Variants in TENM1 observed in about 807,000 individuals in gnomAD.
TENM1 encodes the protein teneurin transmembrane protein 1.
A neutral mutation model predicts 174.8 loss-of-function variants in TENM1; 35 were observed. The ratio of observed to expected loss-of-function variants is 0.20; its 90% CI spans 0.15 to 0.27. The LOEUF is 0.27. TENM1 is among the 10% of genes least tolerant of loss of function. The pLI is 1.00. For synonymous variants in TENM1, 781 were observed against 798.7 expected (o/e 0.98, Z 0.37); for missense variants, 1,633 against 2,130.1 (o/e 0.77, Z 4.59).
chrX:124,882,717 C>A (rs766769227), intron 3 of TENM1, among the ~76,000 whole-genome samples: 1 of 112,114 alleles, frequency 8.9e-6, no homozygotes, highest in East Asian at 2.8e-4. Context: ...ATTAGGATTG[C>A]TTTGGCTACT....
the TENM1 span, among the ~76,000 whole-genome samples, chrX:125,011,867 A>C: frequency 0.016 from 1,775 of 111,750 alleles, 40 homozygotes; most frequent in African/African-American, 0.053. Flanking sequence ...AAATTATTCT[A>C]CTACAAAGAC....
the TENM1 span, among the ~76,000 whole-genome samples, chrX:125,098,093 C>T: frequency 9.0e-6 from 1 of 111,165 alleles, no homozygotes; most frequent in Non-Finnish European, 1.9e-5. Flanking sequence ...GAAACCCTGT[C>T]TCTACTAAAA....
At chrX:124,793,555 G>A (rs183831976) in intron 3 of TENM1, among the ~76,000 whole-genome samples, 1 of 111,510 alleles carries the variant, frequency 9.0e-6, no homozygotes, top group Admixed American at 9.6e-5. Flanking sequence ...ATAGTGTAAT[G>A]GTTAAGACCA....
At chrX:124,864,320 T>C (rs887110391) in intron 3 of TENM1, among the ~76,000 whole-genome samples, 8 of 111,816 alleles carry the variant, frequency 7.2e-5, no homozygotes, top group African/African-American at 2.6e-4. Context: ...CCAAAATAGC[T>C]GTGTTGAGGA....
chrX:124,969,994 T>C, the TENM1 span, among the ~76,000 whole-genome samples: 1 of 111,952 alleles, frequency 8.9e-6, no homozygotes, highest in Non-Finnish European at 1.9e-5. Flanking sequence ...CCTTCTCCTC[T>C]TCCCTTTCTT....
chrX:124,568,408 G>C (rs956118122), intron 11 of TENM1, among the ~76,000 whole-genome samples: 1 of 111,649 alleles, frequency 9.0e-6, no homozygotes, highest in African/African-American at 3.3e-5. Context: ...TGACAAAGAA[G>C]TACTGACTAT....
chrX:124,997,656 T>G, the TENM1 span, among the ~76,000 whole-genome samples: 3 of 111,275 alleles, frequency 2.7e-5, no homozygotes, highest in Non-Finnish European at 5.7e-5. Context: ...TTAGGTCAAG[T>G]GAACGATAAG....
intron 11 of TENM1, among the ~76,000 whole-genome samples, chrX:124,577,895 G>T (rs2843501): frequency 0.23 from 25,195 of 109,052 alleles, 2,283 homozygotes; most frequent in South Asian, 0.39. Flanking sequence ...TTTTAATCTC[G>T]ACTCATGAAT....
chrX:124,409,309 C>T (rs1188263184), intron 25 of TENM1, among the ~76,000 whole-genome samples: 2 of 111,232 alleles, frequency 1.8e-5, no homozygotes, highest in African/African-American at 6.6e-5. Context: ...GTTCCTATTT[C>T]TCCAAATTCA....
intron 18 of TENM1, among the ~76,000 whole-genome samples, chrX:124,514,646 A>C (rs1935876205): frequency 9.0e-6 from 1 of 111,175 alleles, no homozygotes; most frequent in Admixed American, 9.6e-5. Flanking sequence ...GGTTCCCTGA[A>C]CAGACCAATA....
intron 23 of TENM1, among the ~76,000 whole-genome samples, chrX:124,431,492 C>T (rs2060778386): frequency 8.9e-6 from 1 of 112,101 alleles, no homozygotes; most frequent in Non-Finnish European, 1.9e-5. Context: ...GTTATGCCAG[C>T]TCCATGTTAG....
intron 3 of TENM1, among the ~76,000 whole-genome samples, chrX:124,844,008 G>A (rs745309498): frequency 2.7e-5 from 3 of 111,094 alleles, no homozygotes; most frequent in Non-Finnish European, 3.8e-5. Flanking sequence ...TCTACTTCTC[G>A]GCTTCCTTGT....
intron 5 of TENM1, among the ~76,000 whole-genome samples, chrX:124,678,267 A>T: frequency 9.0e-6 from 1 of 111,406 alleles, no homozygotes; most frequent in Non-Finnish European, 1.9e-5. Flanking sequence ...AAGCTCTAAG[A>T]TTTTATGAAA....
intron 11 of TENM1, among the ~76,000 whole-genome samples, chrX:124,584,013 C>G (rs1226432429): frequency 9.1e-5 from 10 of 110,202 alleles, no homozygotes; most frequent in Non-Finnish European, 1.7e-4. Context: ...CGAACAAAGC[C>G]TCCAAGAAAT....
At chrX:124,647,879 T>C (rs1292412618) in intron 8 of TENM1, among the ~76,000 whole-genome samples, 8 of 111,590 alleles carry the variant, frequency 7.2e-5, no homozygotes, top group Admixed American at 3.8e-4. Flanking sequence ...TGTACCATTT[T>C]TTCCCTTTTC....
At position 124,483,686 on chromosome X, in the gene TENM1, T is replaced by C. The variant is rs533995845; in HGVS notation, c.3717-1722A>G. ...CATTAAAAATCATTTATTAAGTGCA[T>C]ACAATGTATCCAAGAACTGTGCTAT... On this transcript the variant is annotated intron_variant, in intron 21 of 31. Transcript: ENST00000422452. 2.0e-4 allele frequency among the ~76,000 whole-genome samples: 22 copies of C among 112,347 alleles called. No homozygotes were observed. The South Asian group carries it at 7.8e-3, about 40-fold the overall frequency.
At chrX:124,600,171 C>T (rs186240705) in intron 11 of TENM1, among the ~76,000 whole-genome samples, 287 of 109,945 alleles carry the variant, frequency 2.6e-3, no homozygotes, top group Non-Finnish European at 4.5e-3. Context: ...AATACCACGC[C>T]GAGAAAAGAA....
At chrX:124,704,954 C>A in intron 5 of TENM1, 59 bp downstream of exon 8, 1 of 980,592 alleles carries the variant, frequency 1.0e-6, no homozygotes, top group Admixed American at 2.4e-5. Flanking sequence ...CCATTCCCAC[C>A]ACAAGCAAAA....
intron 3 of TENM1, among the ~76,000 whole-genome samples, chrX:124,742,059 A>G (rs915373882): frequency 8.9e-6 from 1 of 112,118 alleles, no homozygotes; most frequent in Non-Finnish European, 1.9e-5. Context: ...GTAATGCCAA[A>G]TAGACATTTT....
Sources: allele counts gnomAD v4.1 joint callset (sites outside exome capture counted in the v4.1 genomes callset), GRCh38; gene constraint gnomAD v4.1.1; transcripts MANE v1.5; gene names NCBI Gene and HGNC (gene_info 2026-07-23, HGNC 2026-07-21).